Variants in FXYD6 observed in about 807,000 individuals in gnomAD.
FXYD6 encodes the protein FXYD domain-containing ion transport regulator 6.
In FXYD6, 7 loss-of-function variants were observed where a neutral mutation model predicts 16.7. The ratio of observed to expected loss-of-function variants is 0.42; its 90% CI spans 0.24 to 0.79. FXYD6 has a LOEUF of 0.79. FXYD6 is among the 30% of genes least tolerant of loss of function. The probability of loss-of-function intolerance (pLI) is 0.28; values close to 1 mark genes in which losing one functional copy is unlikely to be tolerated. For missense variants in FXYD6, 111 were observed against 116.2 expected (o/e 0.95, Z 0.21); for synonymous variants, 49 against 43.0 (o/e 1.14, Z -0.54).
chr11:117,869,350 A>C (rs1171402036), intron 1 of FXYD6, among the ~76,000 whole-genome samples: 1 of 152,200 alleles, frequency 6.6e-6, no homozygotes, highest in East Asian at 1.9e-4. Context: ...CCAGCGCATC[A>C]CTGTGGCTGA....
intron 1 of FXYD6, among the ~76,000 whole-genome samples, chr11:117,854,917 C>T (rs1008701972): frequency 5.9e-5 from 9 of 152,248 alleles, no homozygotes; most frequent in African/African-American, 2.2e-4. Context: ...TAACGCATTT[C>T]ATGCAGTAGT....
intron 1 of FXYD6, among the ~76,000 whole-genome samples, chr11:117,844,563 C>T (rs994373166): frequency 1.3e-5 from 2 of 152,062 alleles, no homozygotes; most frequent in Non-Finnish European, 1.5e-5. Context: ...GGTGCGATCT[C>T]GGCTCACTGC....
chr11:117,846,117 A>G (rs947364232), intron 1 of FXYD6, among the ~76,000 whole-genome samples: 7 of 152,186 alleles, frequency 4.6e-5, no homozygotes, highest in African/African-American at 1.7e-4. Context: ...TTCTGTTGTC[A>G]GATATTTTCA....
At chr11:117,848,894 C>T (rs1162951671) in intron 1 of FXYD6, among the ~76,000 whole-genome samples, 1 of 152,014 alleles carries the variant, frequency 6.6e-6, no homozygotes, top group Non-Finnish European at 1.5e-5. Context: ...TTTAACGATG[C>T]TTATAGTTTT....
intron 4 of FXYD6, chr11:117,841,561 C>T (rs1281330386): frequency 6.6e-6 from 4 of 608,710 alleles, no homozygotes; most frequent in African/African-American, 1.8e-5. Flanking sequence ...CCACCCTGCT[C>T]GTTCCTATCT....
At chr11:117,857,067 A>G (rs1013199526) in intron 1 of FXYD6, among the ~76,000 whole-genome samples, 1 of 152,196 alleles carries the variant, frequency 6.6e-6, no homozygotes, top group Non-Finnish European at 1.5e-5. Context: ...CCCTGCAGGA[A>G]TGGGGTGGCC....
chr11:117,839,924 G>C, intron 6 of FXYD6, 94 bp from the exon 7 acceptor site: 1 of 1,507,318 alleles, frequency 6.6e-7, no homozygotes, highest in Non-Finnish European at 9.2e-7. Context: ...GACTCTGGGG[G>C]AGCAAAGAGG....
At chr11:117,842,875 C>T in intron 1 of FXYD6, 94 bp from the exon 2 acceptor site, 1 of 1,332,276 alleles carries the variant, frequency 7.5e-7, no homozygotes, top group Non-Finnish European at 1.0e-6. Flanking sequence ...AAGCCAAATC[C>T]CCAGCTTTGC....
chr11:117,852,696 T>C (rs1830730833), intron 1 of FXYD6, among the ~76,000 whole-genome samples: 1 of 152,194 alleles, frequency 6.6e-6, no homozygotes, highest in African/African-American at 2.4e-5. Context: ...AAAATTCTTA[T>C]CTCTTCAAAT....
chr11:117,847,470 C>T (rs1473985527), intron 1 of FXYD6, among the ~76,000 whole-genome samples: 3 of 151,352 alleles, frequency 2.0e-5, no homozygotes, highest in Non-Finnish European at 2.9e-5. Flanking sequence ...CCCATTAACT[C>T]GTCATTTAAC....
At chr11:117,858,791 T>TCCTTCCTTCCTTCCTTCC in intron 1 of FXYD6, among the ~76,000 whole-genome samples, 1 of 147,972 alleles carries the variant, frequency 6.8e-6, no homozygotes, top group Non-Finnish European at 1.5e-5. Context: ...TTTCTTTTCT[T>TCCTTCCTTCCTTCCTTCC]TTTTAGACAG....
chr11:117,876,759 G>A (rs1291198444), upstream of FXYD6: 1 of 151,992 alleles, frequency 6.6e-6, no homozygotes, highest in Non-Finnish European at 1.5e-5. Flanking sequence ...CGGGGGCGGG[G>A]GGGGGGCTCG....
chr11:117,849,763 T>G (rs988414110), intron 1 of FXYD6, among the ~76,000 whole-genome samples: 29 of 151,660 alleles, frequency 1.9e-4, no homozygotes, highest in Non-Finnish European at 5.9e-5. Context: ...AAGGCCTCGG[T>G]AGCTGAAGGC....
At chr11:117,874,984 T>C (rs923975969) in intron 1 of FXYD6, among the ~76,000 whole-genome samples, 9 of 152,164 alleles carry the variant, frequency 5.9e-5, no homozygotes, top group African/African-American at 2.2e-4. Context: ...GTTTTCCTTC[T>C]GGGCTTCCTG....
chr11:117,839,948 A>T, intron 6 of FXYD6, 118 bp from the exon 7 acceptor site: 1 of 1,330,834 alleles, frequency 7.5e-7, no homozygotes. Context: ...CGGGCATGGG[A>T]TTTCGAGTCA....
At chr11:117,842,808 T>C (rs1410936848) in intron 1 of FXYD6, 27 bp from the exon 2 acceptor site, 14 of 1,552,012 alleles carry the variant, frequency 9.0e-6, no homozygotes, top group Middle Eastern at 1.7e-4. Context: ...GAAAAAATGA[T>C]TCTCTGGCTA....
intron 1 of FXYD6, among the ~76,000 whole-genome samples, chr11:117,867,614 C>T (rs1182165668): frequency 6.6e-6 from 1 of 152,162 alleles, no homozygotes; most frequent in Non-Finnish European, 1.5e-5. Flanking sequence ...AAAATCCAAA[C>T]TTCTTTCTGG....
chr11:117,859,964 C>A (rs532955682), intron 1 of FXYD6, among the ~76,000 whole-genome samples: 2 of 152,190 alleles, frequency 1.3e-5, no homozygotes, highest in Admixed American at 1.3e-4. Context: ...ATTCTCATCA[C>A]CTGCTTGCTC....
At chr11:117,845,833 ATACT>A (rs1203866140) in intron 1 of FXYD6, among the ~76,000 whole-genome samples, 3 of 152,236 alleles carry the variant, frequency 2.0e-5, no homozygotes, top group Non-Finnish European at 4.4e-5. Flanking sequence ...TCACAAAATA[ATACT>A]TACTATGAAT....
Sources: gnomAD v4.1 joint callset for allele counts (sites outside exome capture counted in the v4.1 genomes callset) on GRCh38, gnomAD v4.1.1 for gene constraint, MANE v1.5 for transcripts, NCBI Gene and HGNC (gene_info 2026-07-23, HGNC 2026-07-21) for gene names.